The following COL22A1 variants were observed in gnomAD, a reference collection of about 807,000 sequenced individuals.
The protein encoded by COL22A1 is collagen alpha-1(XXII) chain.
In COL22A1, 221 loss-of-function variants were observed where a neutral mutation model predicts 248.9. The observed-to-expected ratio is 0.89, with a 90% CI of 0.80 to 0.99. The LOEUF is 0.99. Ranked by LOEUF, COL22A1 falls within the 50% of genes least tolerant of loss-of-function variation. The pLI, the probability that COL22A1 is intolerant of heterozygous loss-of-function variation, is 0.00. For synonymous variants in COL22A1, 891 were observed against 793.4 expected (o/e 1.12, Z -2.07); for missense variants, 2,240 against 2,179.0 (o/e 1.03, Z -0.56).
intron 30 of COL22A1, among the ~76,000 whole-genome samples, chr8:138,713,109 C>T (rs1392904260): frequency 6.6e-6 from 1 of 152,190 alleles, no homozygotes; most frequent in Non-Finnish European, 1.5e-5. Context: ...ACTCTGTAAG[C>T]CTGGGCAGAA....
At chr8:138,896,897 C>T (rs986908477) in intron 1 of COL22A1, among the ~76,000 whole-genome samples, 6 of 151,658 alleles carry the variant, frequency 4.0e-5, no homozygotes, top group Middle Eastern at 3.2e-3. Context: ...CACTTGAACT[C>T]GGGAGGCAGA....
intron 7 of COL22A1, among the ~76,000 whole-genome samples, chr8:138,819,064 C>T (rs1287135737): frequency 6.6e-6 from 1 of 152,120 alleles, no homozygotes; most frequent in Non-Finnish European, 1.5e-5. Context: ...TACCCCTGAC[C>T]AACTCACTCT....
At chr8:138,782,481 T>G (rs1815101729) in intron 12 of COL22A1, among the ~76,000 whole-genome samples, 1 of 152,200 alleles carries the variant, frequency 6.6e-6, no homozygotes, top group African/African-American at 2.4e-5. Context: ...CCTCCCAAAG[T>G]GCTGGAATTA....
At chr8:138,817,142 C>T (rs1032128537) in intron 7 of COL22A1, among the ~76,000 whole-genome samples, 11 of 152,170 alleles carry the variant, frequency 7.2e-5, no homozygotes, top group Non-Finnish European at 1.5e-4. Context: ...GACCTAGAAA[C>T]GTCTATTCAA....
chr8:138,898,248 A>T (rs1053556733), intron 1 of COL22A1, among the ~76,000 whole-genome samples: 1 of 152,238 alleles, frequency 6.6e-6, no homozygotes, highest in Non-Finnish European at 1.5e-5. Flanking sequence ...GTAATAAAAC[A>T]GATCCCCAGA....
intron 50 of COL22A1, among the ~76,000 whole-genome samples, chr8:138,628,069 A>G (rs1003162404): frequency 2.0e-5 from 3 of 152,134 alleles, no homozygotes; most frequent in African/African-American, 7.2e-5. Flanking sequence ...ATGTTGTTAT[A>G]TTTTCCAACC....
At chr8:138,797,095 G>A (rs1488207612) in intron 11 of COL22A1, among the ~76,000 whole-genome samples, 1 of 152,138 alleles carries the variant, frequency 6.6e-6, no homozygotes, top group African/African-American at 2.4e-5. Context: ...TTCCATAACA[G>A]TTTCATTGAA....
chr8:138,610,547 A>G (rs1299083793), intron 56 of COL22A1, among the ~76,000 whole-genome samples: 3 of 152,230 alleles, frequency 2.0e-5, no homozygotes, highest in Non-Finnish European at 4.4e-5. Flanking sequence ...AACAAAGTAG[A>G]TATTTGGCAA....
intron 56 of COL22A1, among the ~76,000 whole-genome samples, chr8:138,609,065 T>C (rs1485016294): frequency 6.6e-6 from 1 of 152,236 alleles, no homozygotes; most frequent in Non-Finnish European, 1.5e-5. Context: ...CATTCACAAA[T>C]GCGTTGGATT....
At chr8:138,616,544 CT>C (rs1819335780) in intron 54 of COL22A1, among the ~76,000 whole-genome samples, 1 of 152,188 alleles carries the variant, frequency 6.6e-6, no homozygotes, top group Non-Finnish European at 1.5e-5. Flanking sequence ...CATTTATAAG[CT>C]CTAGGACCTT....
At chr8:138,681,203 T>C (rs1162750499) in intron 39 of COL22A1, among the ~76,000 whole-genome samples, 1 of 152,176 alleles carries the variant, frequency 6.6e-6, no homozygotes, top group Non-Finnish European at 1.5e-5. Flanking sequence ...ATAAGGATCA[T>C]GAATATTTAC....
At position 138,890,168 on chromosome 8, in the gene COL22A1, A is replaced by G. The variant is rs553007183; in HGVS notation, c.-72-6924T>C. ...TGAATCCAACTGATGCAGAAAAAGC[A>G]TTTGACAAAACCCAGCACCCTTTCA... is the stretch of plus-strand genomic sequence containing the variant. On this transcript the variant is annotated intron_variant, in intron 1 of 64. Transcript: ENST00000303045. Among the ~76,000 whole-genome samples, 6 of 152,290 alleles carry G rather than the reference A, an allele frequency of 3.9e-5. No homozygotes were observed. The South Asian group carries it at 6.2e-4, about 16-fold the overall frequency.
chr8:138,646,212 C>CA, intron 47 of COL22A1, among the ~76,000 whole-genome samples: 1 of 152,252 alleles, frequency 6.6e-6, no homozygotes, highest in African/African-American at 2.4e-5. Flanking sequence ...CGCTTGCATT[C>CA]AAAAAGCACT....
At chr8:138,906,470 G>A (rs1033619126) in intron 1 of COL22A1, among the ~76,000 whole-genome samples, 4 of 152,060 alleles carry the variant, frequency 2.6e-5, no homozygotes, top group East Asian at 1.9e-4. Context: ...ACAATGATGC[G>A]CACAGAGCAG....
chr8:138,912,498 T>C (rs1815518957), intron 1 of COL22A1, among the ~76,000 whole-genome samples: 1 of 152,284 alleles, frequency 6.6e-6, no homozygotes, highest in Non-Finnish European at 1.5e-5. Context: ...CCCAGCACTC[T>C]GGGAGGCCAA....
rs552069130 is a variant in COL22A1 at position 138,811,873 on chromosome 8, G to C, written c.1375C>G (p.Arg459Gly). The change falls in exon 9 of 65, where the codon CGG (arginine) becomes GGG (glycine). Residue 459 changes from arginine (R) to glycine (G), a missense_variant. Arg to Gly is a moderately radical substitution (Grantham distance 125). Coordinates refer to ENST00000303045, the MANE Select transcript of COL22A1 (RefSeq NM_152888.3). Reference sequence around the variant, plus strand: ...TGTTCACTGCCTGGGGTGGGAGGCCGCTGGGGTGGGGGTGGAGGTGGAGGC... The same window carrying C: ...TGTTCACTGCCTGGGGTGGGAGGCCCCTGGGGTGGGGGTGGAGGTGGAGGC... The part of the protein sequence containing the change: ...TEPPPPPPPQ[R>G]PPTPGSEQIG... The C allele has an allele frequency of 1.9e-6, 3 of 1,572,252 alleles. No homozygotes were observed. Among genetic ancestry groups the C allele is most frequent in the Non-Finnish European group, 2.6e-6 (3 of 1,161,186 alleles).
chr8:138,833,743 C>A (rs1392034101), intron 4 of COL22A1, among the ~76,000 whole-genome samples: 1 of 152,112 alleles, frequency 6.6e-6, no homozygotes, highest in African/African-American at 2.4e-5. Context: ...TAAGAGAGGA[C>A]CTTATACGCA....
Position 138,594,218 on chromosome 8 carries a change from G to C in COL22A1, c.4433-19C>G. On this transcript the variant is annotated intron_variant, in intron 62 of 64. Coordinates refer to ENST00000303045, the MANE Select transcript of COL22A1 (RefSeq NM_152888.3). ...AGTCTGGCTGTAAAGTAGAAAAAGA[G>C]AGGCATTTCATGAAGAACAGATAGT... 1 of 1,559,260 alleles carries C rather than the reference G, an allele frequency of 6.4e-7. No homozygotes were observed. Among genetic ancestry groups the C allele is most frequent in the Non-Finnish European group, 8.6e-7 (1 of 1,160,674 alleles).
At chr8:138,842,588 G>T (rs1439169025) in intron 4 of COL22A1, among the ~76,000 whole-genome samples, 1 of 152,200 alleles carries the variant, frequency 6.6e-6, no homozygotes, top group East Asian at 1.9e-4. Context: ...CAAAAAGTGG[G>T]AATGTTGAAG....
Sources: allele counts gnomAD v4.1 joint callset (sites outside exome capture counted in the v4.1 genomes callset), GRCh38; gene constraint gnomAD v4.1.1; transcripts MANE v1.5; gene names NCBI Gene and HGNC (gene_info 2026-07-23, HGNC 2026-07-21).